MTUS2: variants seen among roughly 807,000 people sequenced by gnomAD.
The protein encoded by MTUS2 is microtubule associated scaffold protein 2, also known as microtubule-associated tumor suppressor candidate 2.
A neutral mutation model predicts 114.1 loss-of-function variants in MTUS2; 40 were observed. That is an observed-to-expected ratio of 0.35 (90% CI 0.27 to 0.46). The LOEUF is 0.46. Among genes scored for constraint, MTUS2 ranks in the 20% least tolerant of loss-of-function variants. The pLI is 1.00. For synonymous variants in MTUS2, 688 were observed against 672.0 expected (o/e 1.02, Z -0.37); for missense variants, 1,679 against 1,705.4 (o/e 0.98, Z 0.27).
rs60167763 is a variant in MTUS2 at position 29,375,283 on chromosome 13, G to GGTCT, written c.3117+15810_3117+15811insGTCT. 9.2e-5 allele frequency among the ~76,000 whole-genome samples: 12 copies of GGTCT among 129,896 alleles called. 1 individual carries two copies. Among genetic ancestry groups the GGTCT allele is most frequent in the Admixed American group, 3.0e-4 (4 of 13,284 alleles). The allele number at this position is 129,896 out of a possible 152,430, so 85.2% of individuals were successfully genotyped here. On this transcript the variant is annotated intron_variant, in intron 8 of 15. Coordinates refer to ENST00000612955, the MANE Select transcript of MTUS2 (RefSeq NM_001033602.4). ...GGAACATAACAGACAATTTAAAAAG[G>GGTCT]AGTTTTTAATAGGAGTTCCAGAGAG...
intron 8 of MTUS2, among the ~76,000 whole-genome samples, chr13:29,413,029 C>G (rs894536107): frequency 7.2e-5 from 11 of 152,290 alleles, no homozygotes; most frequent in African/African-American, 2.6e-4. Flanking sequence ...CTTTCCTTCC[C>G]TCTTCCATAT....
At chr13:29,013,961 C>T (rs577884133) in intron 2 of MTUS2, among the ~76,000 whole-genome samples, 50 of 152,266 alleles carry the variant, frequency 3.3e-4, no homozygotes, top group South Asian at 2.1e-3. Flanking sequence ...ACTATATGTA[C>T]GTCATATCAT....
Position 29,121,436 on chromosome 13 carries a change from TACAC to T in MTUS2, c.2644+20486_2644+20489del, listed in dbSNP as rs34032510. Among the ~76,000 whole-genome samples, 292 of 150,296 alleles carry T rather than the reference TACAC, an allele frequency of 1.9e-3. 1 individual carries two copies. Among genetic ancestry groups the T allele is most frequent in the African/African-American group, 5.7e-3 (233 of 40,976 alleles). ...ATCAAATTAATTTTATGTAATGAAA[TACAC>T]ACACACACACACACACACATGCAAG... is the stretch of plus-strand genomic sequence containing the variant. On this transcript the variant is annotated intron_variant, in intron 5 of 15. Coordinates refer to ENST00000612955, the MANE Select transcript of MTUS2 (RefSeq NM_001033602.4).
intron 4 of MTUS2, among the ~76,000 whole-genome samples, chr13:29,099,425 C>T (rs1001845563): frequency 6.6e-6 from 1 of 152,194 alleles, no homozygotes; most frequent in Non-Finnish European, 1.5e-5. Context: ...CTCTCCATAG[C>T]CTCACTTTCG....
At chr13:29,302,932 G>C (rs558788300) in intron 6 of MTUS2, among the ~76,000 whole-genome samples, 1 of 152,318 alleles carries the variant, frequency 6.6e-6, no homozygotes, top group African/African-American at 2.4e-5. Flanking sequence ...CCCTGGGATG[G>C]AGCTTCCAGA....
rs771394056 is a variant in MTUS2 at position 29,488,021 on chromosome 13, G to T, written c.3505+16G>T. Reference sequence around the variant, plus strand: ...AAAGTCCAAGGTAGCTCCCAGCCTCGTGTGCAGCAGGCAGGGGTGGGTGGT... The same window carrying T: ...AAAGTCCAAGGTAGCTCCCAGCCTCTTGTGCAGCAGGCAGGGGTGGGTGGT... On this transcript the variant is annotated intron_variant, in intron 11 of 15. Transcript: ENST00000612955. 13 of 1,593,364 alleles carry T rather than the reference G, an allele frequency of 8.2e-6. No individual in the cohort carries two copies. Among genetic ancestry groups the T allele is most frequent in the East Asian group, 2.2e-5 (1 of 44,820 alleles).
intron 2 of MTUS2, among the ~76,000 whole-genome samples, chr13:28,878,233 G>A (rs61950533): frequency 0.068 from 10,326 of 150,870 alleles, 530 homozygotes; most frequent in Admixed American, 0.12. Flanking sequence ...GTGTGTGTGT[G>A]TATATATATG....
rs547565386 is a variant in MTUS2, at chr13:29,175,105, A to G, written c.2644+74135A>G. Among the ~76,000 whole-genome samples the G allele has an allele frequency of 1.6e-4, 25 of 152,342 alleles. No homozygotes were observed. In the East Asian group the frequency reaches 4.6e-3, roughly 28 times the overall value. ...CTCGAGGCTCTTAACATATTGTTTA[A>G]TTCTGCTTTTAGAAAATTTGCATTT... On this transcript the variant is annotated intron_variant, in intron 5 of 15. Transcript: ENST00000612955.
intron 4 of MTUS2, among the ~76,000 whole-genome samples, chr13:29,099,083 A>G (rs1411559639): frequency 6.6e-6 from 1 of 152,212 alleles, no homozygotes; most frequent in Non-Finnish European, 1.5e-5. Context: ...ATATATAGGG[A>G]TATTTTCACT....
intron 7 of MTUS2, 150 bp downstream of exon 7, chr13:29,324,861 T>C (rs1352093020): frequency 1.6e-6 from 1 of 634,522 alleles, no homozygotes; most frequent in African/African-American, 1.8e-5. Context: ...TTTCTGACTC[T>C]AGATGAAATG....
intron 4 of MTUS2, among the ~76,000 whole-genome samples, chr13:29,050,256 C>T (rs1486322944): frequency 1.3e-5 from 2 of 152,160 alleles, no homozygotes; most frequent in Non-Finnish European, 2.9e-5. Context: ...GATACCCAAT[C>T]AGTTTTACCT....
chr13:29,210,435 G>T (rs572068742), intron 5 of MTUS2, among the ~76,000 whole-genome samples: 4 of 152,194 alleles, frequency 2.6e-5, no homozygotes, highest in South Asian at 2.1e-4. Context: ...GCCATTCAGA[G>T]ATTTCTCCTT....
chr13:28,879,800 T>G (rs576434663), intron 2 of MTUS2, among the ~76,000 whole-genome samples: 1 of 152,084 alleles, frequency 6.6e-6, no homozygotes. Flanking sequence ...AGTGTGCAAC[T>G]GATACTGATA....
intron 2 of MTUS2, among the ~76,000 whole-genome samples, chr13:28,885,607 A>G (rs1315388870): frequency 6.6e-6 from 1 of 152,160 alleles, no homozygotes; most frequent in Non-Finnish European, 1.5e-5. Context: ...CAATTTTACT[A>G]CCTTTGTTGA....
chr13:28,876,562 G>C (rs542461850), intron 2 of MTUS2, among the ~76,000 whole-genome samples: 1 of 152,326 alleles, frequency 6.6e-6, no homozygotes, highest in Admixed American at 6.5e-5. Context: ...TTTCTTGAAA[G>C]CTGCAGAAGA....
chr13:29,248,309 T>A (rs893805141), intron 5 of MTUS2, among the ~76,000 whole-genome samples: 12 of 152,134 alleles, frequency 7.9e-5, no homozygotes, highest in African/African-American at 2.9e-4. Flanking sequence ...ATTCCTTAGC[T>A]GATGGGTGCA....
intron 5 of MTUS2, among the ~76,000 whole-genome samples, chr13:29,178,876 G>T (rs552957878): frequency 2.0e-4 from 31 of 152,262 alleles, no homozygotes; most frequent in Middle Eastern, 6.8e-3. Context: ...AGAAGATTTA[G>T]TAAGACTACG....
intron 2 of MTUS2, among the ~76,000 whole-genome samples, chr13:28,851,927 G>A (rs761800785): frequency 1.3e-5 from 2 of 152,158 alleles, no homozygotes; most frequent in Non-Finnish European, 2.9e-5. Flanking sequence ...AGTAGCCAGC[G>A]TGAGTCTTTA....
intron 10 of MTUS2, among the ~76,000 whole-genome samples, chr13:29,483,390 C>A (rs1056773874): frequency 6.6e-6 from 1 of 152,234 alleles, no homozygotes; most frequent in Non-Finnish European, 1.5e-5. Flanking sequence ...CTTGGCCCCC[C>A]GCCATCTCAC....
Sources: allele counts gnomAD v4.1 joint callset (sites outside exome capture counted in the v4.1 genomes callset), GRCh38; gene constraint gnomAD v4.1.1; transcripts MANE v1.5; gene names NCBI Gene and HGNC (gene_info 2026-07-23, HGNC 2026-07-21).